The following BCAS3 variants were observed in gnomAD, a reference collection of about 807,000 sequenced individuals.
BCAS3 encodes BCAS3 microtubule associated cell migration factor.
In BCAS3, 53 loss-of-function variants were observed where a neutral mutation model predicts 116.1. The observed-to-expected ratio is 0.46, with a 90% CI of 0.37 to 0.57. BCAS3 has a LOEUF of 0.57. Ranked by LOEUF, BCAS3 falls within the 20% of genes least tolerant of loss-of-function variation. BCAS3 has a pLI of 0.00. For synonymous variants in BCAS3, 391 were observed against 408.2 expected, an observed-to-expected ratio of 0.96 and a Z score of 0.51; for missense variants, 917 against 1,165.4, an observed-to-expected ratio of 0.79 and a Z score of 3.10.
intron 22 of BCAS3, among the ~76,000 whole-genome samples, chr17:61,179,606 A>G (rs565917148): frequency 3.2e-4 from 49 of 152,316 alleles, no homozygotes; most frequent in Middle Eastern, 6.8e-3. Flanking sequence ...CTAAGGCTTA[A>G]TCTGTAAGCT....
intron 6 of BCAS3, among the ~76,000 whole-genome samples, chr17:60,800,465 A>C (rs1044467799): frequency 1.3e-5 from 2 of 151,914 alleles, no homozygotes; most frequent in Non-Finnish European, 2.9e-5. Flanking sequence ...TTGAGTTGTG[A>C]GATTATATAT....
At chr17:60,877,428 A>G (rs903726659) in intron 9 of BCAS3, among the ~76,000 whole-genome samples, 12 of 152,198 alleles carry the variant, frequency 7.9e-5, no homozygotes, top group East Asian at 3.9e-4. Flanking sequence ...AGCACAAAAC[A>G]TAAGTCAAAT....
intron 22 of BCAS3, among the ~76,000 whole-genome samples, chr17:61,176,138 C>CAAAAA (rs534042215): frequency 1.9e-3 from 93 of 49,954 alleles, no homozygotes; most frequent in African/African-American, 5.2e-3. Context: ...GACCCTATCT[C>CAAAAA]AAAAAAAAAA....
Position 60,724,720 on chromosome 17 carries a change from T to TA in BCAS3, c.321+15409dup, listed in dbSNP as rs111941126. 3.2e-3 allele frequency among the ~76,000 whole-genome samples: 443 copies of TA among 137,526 alleles called. 2 individuals are homozygous for TA. The highest frequency in any genetic ancestry group is 6.9e-3 in the African/African-American group (255 of 37,112). 90.2% of individuals were successfully genotyped at this position (137,526 alleles called of 152,430 possible). On this transcript the variant is annotated intron_variant, in intron 5 of 23. Coordinates refer to ENST00000407086, the MANE Select transcript of BCAS3 (RefSeq NM_017679.5). ...CCTGACAACAGAGTGAGACTTCCTC[T>TA]AAAAAAAAAAAAAATTCATTTTCTT... is the stretch of plus-strand genomic sequence containing the variant.
chr17:61,359,542 T>C (rs942514735), intron 22 of BCAS3, among the ~76,000 whole-genome samples: 8 of 151,022 alleles, frequency 5.3e-5, no homozygotes, highest in Non-Finnish European at 1.2e-4. Flanking sequence ...TTGCCCAGGC[T>C]GGAGTGCGGT....
rs1179485251 is a variant in BCAS3 at position 61,131,082 on chromosome 17, G to A, written c.2425+46518G>A. On this transcript the variant is annotated intron_variant, in intron 22 of 23. Coordinates refer to ENST00000407086, the MANE Select transcript of BCAS3 (RefSeq NM_017679.5). This position sits in a 1 kb window ranked among gnomAD's most constrained non-coding sequence, Gnocchi z 4.4. ...AAAAGGGGGAAAAAAAAAGATGTTG[G>A]AGACCTAGGTTCTAGAGTAAACTCT... is the stretch of plus-strand genomic sequence containing the variant. 1.3e-5 allele frequency among the ~76,000 whole-genome samples: 2 copies of A among 152,032 alleles called. No homozygotes were observed. The highest frequency in any genetic ancestry group is 3.9e-4 in the East Asian group (2 of 5,180).
At chr17:60,821,237 T>C (rs540274686) in intron 7 of BCAS3, among the ~76,000 whole-genome samples, 229 of 152,246 alleles carry the variant, frequency 1.5e-3, no homozygotes, top group South Asian at 2.5e-3. Context: ...ATGCGCCACC[T>C]CACCTGGCCA....
intron 19 of BCAS3, among the ~76,000 whole-genome samples, chr17:61,050,718 A>G (rs2068782282): frequency 6.6e-6 from 1 of 152,040 alleles, no homozygotes; most frequent in South Asian, 2.1e-4. Flanking sequence ...AATTAGATTT[A>G]AAAAGTAAGT....
chr17:61,375,246 G>GTGTGTGTGTGCGTGCGCGCGCGCGCACA (rs150061118), intron 23 of BCAS3, among the ~76,000 whole-genome samples: 1 of 150,666 alleles, frequency 6.6e-6, no homozygotes, highest in African/African-American at 2.5e-5. Context: ...GTGTGTGTGT[G>GTGTGTGTGTGCGTGCGCGCGCGCGCACA]TGTGTGTGTA....
Position 61,251,570 on chromosome 17 carries a change from CAA to C in BCAS3, c.2426-116744_2426-116743del, listed in dbSNP as rs35629112. 2.0e-3 allele frequency among the ~76,000 whole-genome samples: 283 copies of C among 141,278 alleles called. No homozygotes were observed. Among genetic ancestry groups the C allele is most frequent in the Non-Finnish European group, 2.0e-3 (129 of 64,760 alleles). The allele number at this position is 141,278 out of a possible 152,430, so 92.7% of individuals were successfully genotyped here. ...GGGCAACAAGAGCGAAACTCCACCT[CAA>C]AAAAAAAAAAAAGAAAAGAAAGACT... is the stretch of plus-strand genomic sequence containing the variant. On this transcript the variant is annotated intron_variant, in intron 22 of 23. Coordinates refer to ENST00000407086, the MANE Select transcript of BCAS3 (RefSeq NM_017679.5). The surrounding 1 kb of genome is among the most constrained non-coding windows in gnomAD (Gnocchi z 4.7).
rs113297948 is a variant in BCAS3, at chr17:61,124,528, A to T, written c.2425+39964A>T. Among the ~76,000 whole-genome samples the T allele has an allele frequency of 1.5e-3, 225 of 152,322 alleles. 1 individual carries two copies. Among genetic ancestry groups the T allele is most frequent in the African/African-American group, 4.7e-3 (194 of 41,588 alleles). ...TATTCATATTTCACTGCATGTTAGT[A>T]TTTTGGCATCATTTCTTACATACCC... On this transcript the variant is annotated intron_variant, in intron 22 of 23. Transcript: ENST00000407086. The surrounding 1 kb of genome is among the most constrained non-coding windows in gnomAD (Gnocchi z 4.6).
rs1399583249 is a variant in BCAS3 at position 61,021,161 on chromosome 17, T to G, written c.1637+5260T>G. On this transcript the variant is annotated intron_variant, in intron 16 of 23. Transcript: ENST00000407086. This position sits in a 1 kb window ranked among gnomAD's most constrained non-coding sequence, Gnocchi z 4.6. Reference sequence around the variant, plus strand: ...AACCTCTGCTCTTGGGCTCAGGTGATTCTCTTGCCTCAGCCTCCCGAGTAG... The same window carrying G: ...AACCTCTGCTCTTGGGCTCAGGTGAGTCTCTTGCCTCAGCCTCCCGAGTAG... Among the ~76,000 whole-genome samples the G allele has an allele frequency of 6.6e-6, 1 of 152,132 alleles. No homozygotes were observed. Among genetic ancestry groups the G allele is most frequent in the Non-Finnish European group, 1.5e-5 (1 of 68,006 alleles).
rs2079787304 is a variant in BCAS3, at chr17:61,186,539, A to G, written c.2425+101975A>G. ...TTTCCTGCTTTCTAAATATGGTCAT[A>G]AATATGCTCATAACTTATTTTAATT... On this transcript the variant is annotated intron_variant, in intron 22 of 23. Transcript: ENST00000407086. The surrounding 1 kb of genome is among the most constrained non-coding windows in gnomAD (Gnocchi z 4.9). Among the ~76,000 whole-genome samples the G allele has an allele frequency of 6.6e-6, 1 of 152,176 alleles. No individual in the cohort carries two copies. The highest frequency in any genetic ancestry group is 2.1e-4 in the South Asian group (1 of 4,832).
intron 19 of BCAS3, chr17:61,070,302 C>T (rs771356214): frequency 4.4e-5 from 58 of 1,328,914 alleles, no homozygotes; most frequent in South Asian, 1.2e-5. Context: ...CTCCTGGTTA[C>T]GATGCTTTGG....
chr17:60,765,481 T>C (rs1415178257), intron 6 of BCAS3, among the ~76,000 whole-genome samples: 1 of 152,202 alleles, frequency 6.6e-6, no homozygotes, highest in Admixed American at 6.5e-5. Flanking sequence ...AAATTCTGGG[T>C]TGAAAATTCT....
intron 22 of BCAS3, among the ~76,000 whole-genome samples, chr17:61,184,511 A>G (rs775697241): frequency 3.9e-5 from 6 of 152,150 alleles, no homozygotes; most frequent in Non-Finnish European, 7.4e-5. Flanking sequence ...GTTTTGGGGA[A>G]TGCAAAATGG....
intron 15 of BCAS3, among the ~76,000 whole-genome samples, chr17:60,991,934 A>T (rs867144983): frequency 1.3e-4 from 20 of 152,248 alleles, no homozygotes; most frequent in Middle Eastern, 3.4e-3. Flanking sequence ...ACATTGTAGT[A>T]TATATTAACA....
At chr17:61,236,243 G>A (rs1028521796) in intron 22 of BCAS3, among the ~76,000 whole-genome samples, 1 of 152,210 alleles carries the variant, frequency 6.6e-6, no homozygotes, top group African/African-American at 2.4e-5. Flanking sequence ...CTGTAGGAAA[G>A]TGGGAGGACA....
intron 22 of BCAS3, among the ~76,000 whole-genome samples, chr17:61,100,246 T>C (rs2074238658): frequency 2.0e-5 from 3 of 152,190 alleles, no homozygotes; most frequent in Admixed American, 1.3e-4. Context: ...ACTCTTCTGT[T>C]TCTCTCTACC....
Sources: gnomAD v4.1 joint callset for allele counts (sites outside exome capture counted in the v4.1 genomes callset) on GRCh38, gnomAD v4.1.1 for gene constraint, Gnocchi (gnomAD v3.1) non-coding constraint, MANE v1.5 for transcripts, NCBI Gene and HGNC (gene_info 2026-07-23, HGNC 2026-07-21) for gene names.